The following CATSPERB variants were observed in gnomAD, a reference collection of about 807,000 sequenced individuals.
CATSPERB encodes the protein catsper channel auxiliary subunit beta, also known as cation channel sperm-associated auxiliary subunit beta.
CATSPERB carries 93 observed loss-of-function variants against 128.3 expected under a neutral mutation model. That is an observed-to-expected ratio of 0.72 (90% CI 0.61 to 0.86). The LOEUF is 0.86. Among genes scored for constraint, CATSPERB ranks in the 40% least tolerant of loss-of-function variants. CATSPERB has a pLI of 0.00. For missense variants in CATSPERB, 1,153 were observed against 1,329.5 expected (o/e 0.87, Z 2.06); for synonymous variants, 381 against 448.8 (o/e 0.85, Z 1.91).
chr14:91,707,486 T>C (rs928096854), intron 6 of CATSPERB, among the ~76,000 whole-genome samples: 5 of 151,964 alleles, frequency 3.3e-5, no homozygotes, highest in Non-Finnish European at 4.4e-5. Context: ...AAAAAACTAC[T>C]TACTTTTTTG....
At chr14:91,622,520 A>G (rs900762037) in intron 18 of CATSPERB, among the ~76,000 whole-genome samples, 1 of 152,234 alleles carries the variant, frequency 6.6e-6, no homozygotes, top group Non-Finnish European at 1.5e-5. Context: ...GAAGACATCA[A>G]TGAAGCCAAG....
intron 20 of CATSPERB, among the ~76,000 whole-genome samples, chr14:91,613,689 C>T (rs983012460): frequency 6.6e-6 from 1 of 152,192 alleles, no homozygotes; most frequent in African/African-American, 2.4e-5. Flanking sequence ...CTTCTGGCCT[C>T]ATGGACTGGG....
At chr14:91,592,230 C>T (rs576443461) in intron 22 of CATSPERB, 49 of 504,968 alleles carry the variant, frequency 9.7e-5, no homozygotes, top group South Asian at 1.8e-4. Context: ...AGCCGCTTGC[C>T]GTTCACCTCG....
Position 91,589,609 on chromosome 14 carries a change from C to A in CATSPERB, c.2881G>T (p.Asp961Tyr), listed in dbSNP as rs772944829. The A allele has an allele frequency of 1.2e-6, 2 of 1,613,856 alleles. No homozygotes were observed. The highest frequency in any genetic ancestry group is 1.7e-6 in the Non-Finnish European group (2 of 1,179,750). Residue 961 changes from aspartate to tyrosine, a missense_variant, in exon 24 of 27, where the codon GAT (aspartate) becomes TAT (tyrosine). Physicochemically the swap from Asp to Tyr is radical, Grantham distance 160. Coordinates refer to ENST00000256343, the MANE Select transcript of CATSPERB (RefSeq NM_024764.4). ...YPVSLEIINEDGRVPLQSPYL... is the reference protein window; with the variant it reads ...YPVSLEIINEYGRVPLQSPYL... ...GGAGATTGCAATGGGACACGTCCAT[C>A]CTCGTTGATAATTTCCAAAGAAACT...
At chr14:91,693,281 GA>G (rs1566733114) in intron 8 of CATSPERB, 37 bp from the exon 9 acceptor site, 1 of 1,564,874 alleles carries the variant, frequency 6.4e-7, no homozygotes, top group East Asian at 2.2e-5. Flanking sequence ...TAAAAAGTAA[GA>G]AAAAAGTGAG....
chr14:91,702,394 C>T (rs771530642), intron 7 of CATSPERB, among the ~76,000 whole-genome samples: 4 of 150,306 alleles, frequency 2.7e-5, no homozygotes, highest in East Asian at 2.0e-4. Context: ...TTGCAAAAAC[C>T]GCGATTACTT....
At chr14:91,673,441 C>T (rs567400963) in intron 12 of CATSPERB, among the ~76,000 whole-genome samples, 77 of 152,284 alleles carry the variant, frequency 5.1e-4, no homozygotes, top group African/African-American at 1.7e-3. Context: ...TGATTAAAGC[C>T]TTCTCCCTGG....
At chr14:91,605,060 T>C in intron 22 of CATSPERB, 1 of 1,208,434 alleles carries the variant, frequency 8.3e-7, no homozygotes, top group East Asian at 2.3e-5. Context: ...CTTGTCTTCC[T>C]TTTTTCTGGC....
At chr14:91,615,074 C>G (rs1254163756) in intron 20 of CATSPERB, among the ~76,000 whole-genome samples, 1 of 151,578 alleles carries the variant, frequency 6.6e-6, no homozygotes, top group Non-Finnish European at 1.5e-5. Context: ...TTCTTCCTGT[C>G]TGAGATCTTG....
intron 22 of CATSPERB, among the ~76,000 whole-genome samples, chr14:91,606,007 C>T (rs1324304520): frequency 6.6e-6 from 1 of 152,024 alleles, no homozygotes; most frequent in Non-Finnish European, 1.5e-5. Flanking sequence ...GAAACCCCGT[C>T]TCTACTAAAA....
intron 12 of CATSPERB, 127 bp from the exon 13 acceptor site, chr14:91,673,143 C>G (rs139632317): frequency 1.2e-6 from 1 of 832,622 alleles, no homozygotes; most frequent in East Asian, 3.1e-5. Flanking sequence ...TAGAAATTAA[C>G]CTTCCCTCCC....
At chr14:91,600,878 C>A (rs530182662) in intron 22 of CATSPERB, among the ~76,000 whole-genome samples, 17 of 152,278 alleles carry the variant, frequency 1.1e-4, no homozygotes, top group African/African-American at 4.1e-4. Context: ...ATCACAAATT[C>A]AAAGCTAAAA....
intron 21 of CATSPERB, among the ~76,000 whole-genome samples, chr14:91,609,916 T>G (rs2139776366): frequency 6.6e-6 from 1 of 152,220 alleles, no homozygotes; most frequent in South Asian, 2.1e-4. Context: ...AGATGGGGTT[T>G]CTCCATGTTG....
At chr14:91,619,514 A>G (rs918397764) in intron 19 of CATSPERB, among the ~76,000 whole-genome samples, 1 of 150,856 alleles carries the variant, frequency 6.6e-6, no homozygotes, top group Admixed American at 6.7e-5. Context: ...TCACTTATAT[A>G]AACTACTTGG....
chr14:91,584,903 A>G (rs1174221566), intron 26 of CATSPERB, among the ~76,000 whole-genome samples: 7 of 152,100 alleles, frequency 4.6e-5, no homozygotes, highest in African/African-American at 1.7e-4. Context: ...CTCTATCTTT[A>G]TCTTGTTTAG....
intron 2 of CATSPERB, among the ~76,000 whole-genome samples, chr14:91,725,439 C>G (rs17127521): frequency 0.12 from 19,001 of 152,144 alleles, 1,354 homozygotes; most frequent in African/African-American, 0.18. Flanking sequence ...AGACAAAAAC[C>G]AGTTCTTGAC....
At chr14:91,591,506 C>A (rs1893401180) in intron 23 of CATSPERB, among the ~76,000 whole-genome samples, 1 of 151,638 alleles carries the variant, frequency 6.6e-6, no homozygotes, top group South Asian at 2.1e-4. Context: ...ACTTTGCCTT[C>A]TATATTCCAA....
intron 21 of CATSPERB, 62 bp from the exon 22 acceptor site, chr14:91,608,466 T>C: frequency 2.0e-6 from 2 of 998,166 alleles, no homozygotes; most frequent in East Asian, 2.6e-5. Flanking sequence ...AATTTATAGA[T>C]CTTGACTTTC....
At chr14:91,656,078 C>T (rs1398422258) in intron 15 of CATSPERB, among the ~76,000 whole-genome samples, 1 of 152,048 alleles carries the variant, frequency 6.6e-6, no homozygotes, top group Admixed American at 6.6e-5. Context: ...AATGGTATAT[C>T]TGGCAAAAAT....
Sources: allele counts gnomAD v4.1 joint callset (sites outside exome capture counted in the v4.1 genomes callset), GRCh38; gene constraint gnomAD v4.1.1; transcripts MANE v1.5; gene names NCBI Gene and HGNC (gene_info 2026-07-23, HGNC 2026-07-21).